DNAH14: variants seen among roughly 807,000 people sequenced by gnomAD.
DNAH14 encodes the protein dynein axonemal heavy chain 14.
Under a neutral mutation model 520.9 loss-of-function variants are expected in DNAH14, and 478 were observed. The observed-to-expected ratio is 0.92, with a 90% CI of 0.85 to 0.99. The LOEUF (loss-of-function observed/expected upper bound fraction) is 0.99, where lower values mean the gene tolerates loss of function less well. Among genes scored for constraint, DNAH14 ranks in the 50% least tolerant of loss-of-function variants. DNAH14 has a pLI of 0.00. For synonymous variants in DNAH14, 1,581 were observed against 1,757.2 expected, an observed-to-expected ratio of 0.90 and a Z score of 2.51; for missense variants, 4,831 against 5,234.5, an observed-to-expected ratio of 0.92 and a Z score of 2.38.
chr1:225,262,721 G>A (rs942245012), intron 46 of DNAH14, among the ~76,000 whole-genome samples: 2 of 151,992 alleles, frequency 1.3e-5, no homozygotes, highest in Non-Finnish European at 2.9e-5. Context: ...TTTTATACCA[G>A]TACCATCCTG....
intron 66 of DNAH14, among the ~76,000 whole-genome samples, chr1:225,335,046 A>G (rs190753476): frequency 4.4e-4 from 65 of 149,124 alleles, no homozygotes; most frequent in African/African-American, 1.4e-3. Flanking sequence ...ATACACATAT[A>G]TACATATGTA....
At chr1:225,192,639 A>C in intron 37 of DNAH14, 57 bp from the exon 38 acceptor site, 1 of 1,231,580 alleles carries the variant, frequency 8.1e-7, no homozygotes, top group Middle Eastern at 2.2e-4. Context: ...AATGCAAATA[A>C]ACTAAATAAT....
intron 36 of DNAH14, among the ~76,000 whole-genome samples, chr1:225,168,348 G>A (rs185236155): frequency 1.3e-5 from 2 of 152,318 alleles, no homozygotes; most frequent in East Asian, 1.9e-4. Context: ...GAAGCAGGGC[G>A]AGGCATCGCC....
intron 11 of DNAH14, among the ~76,000 whole-genome samples, chr1:225,033,935 G>T (rs2066738845): frequency 6.6e-6 from 1 of 152,116 alleles, no homozygotes; most frequent in African/African-American, 2.4e-5. Flanking sequence ...CTGCAACTTT[G>T]CTAAAGCTGT....
intron 17 of DNAH14, among the ~76,000 whole-genome samples, chr1:225,056,794 T>G (rs2069159662): frequency 6.6e-6 from 1 of 152,222 alleles, no homozygotes; most frequent in African/African-American, 2.4e-5. Context: ...GGGAATACTT[T>G]CCCCATTTCT....
chr1:224,929,893 G>T, intron 1 of DNAH14, 58 bp downstream of exon 1: 1 of 610,280 alleles, frequency 1.6e-6, no homozygotes, highest in Non-Finnish European at 2.9e-6. Context: ...GGCGGGCGGC[G>T]CGTGGGGCAG....
intron 35 of DNAH14, among the ~76,000 whole-genome samples, chr1:225,160,082 G>A (rs960493460): frequency 3.3e-5 from 5 of 152,132 alleles, no homozygotes; most frequent in African/African-American, 9.7e-5. Flanking sequence ...TTGGCTTAAT[G>A]TTGTCTGCAG....
chr1:225,132,202 T>C (rs1462576945), intron 27 of DNAH14, among the ~76,000 whole-genome samples: 2 of 152,078 alleles, frequency 1.3e-5, no homozygotes, highest in African/African-American at 4.8e-5. Flanking sequence ...TGTTTTTTTT[T>C]TCATCAACTT....
At chr1:225,370,809 A>T (rs1201970314) in intron 77 of DNAH14, among the ~76,000 whole-genome samples, 1 of 152,164 alleles carries the variant, frequency 6.6e-6, no homozygotes, top group East Asian at 1.9e-4. Context: ...AATACATTTT[A>T]AAATTGGATT....
intron 26 of DNAH14, among the ~76,000 whole-genome samples, chr1:225,120,689 A>G (rs192995512): frequency 3.0e-4 from 46 of 152,344 alleles, no homozygotes; most frequent in African/African-American, 1.0e-3. Flanking sequence ...ATTTTTGCAA[A>G]TGCAGTTTCA....
chr1:225,333,272 T>A lies in DNAH14; in HGVS notation c.9865-19T>A. On this transcript the variant is annotated intron_variant, in intron 65 of 85. Coordinates refer to ENST00000682510, the MANE Select transcript of DNAH14 (RefSeq NM_001367479.1). ...AATATATTTTATATAGAATAACTCA[T>A]TTCTATTTTAACATTTAGACTCGAT... 6.6e-7 allele frequency: 1 copy of A among 1,515,746 alleles called. No homozygotes were observed. Among genetic ancestry groups the A allele is most frequent in the Non-Finnish European group, 8.9e-7 (1 of 1,117,860 alleles). The allele number at this position is 1,515,746 out of a possible 1,614,324, so 93.9% of individuals were successfully genotyped here.
Position 225,165,251 on chromosome 1 carries a change from G to C in DNAH14, c.5446-2688G>C, listed in dbSNP as rs573421462. 2.6e-5 allele frequency among the ~76,000 whole-genome samples: 4 copies of C among 152,078 alleles called. No homozygotes were observed. In the South Asian group the frequency reaches 8.3e-4, roughly 31 times the overall value. On this transcript the variant is annotated intron_variant, in intron 35 of 85. Transcript: ENST00000682510. Reference sequence around the variant, plus strand: ...TCACTTCAATATTTATTATTTTATAGTGTATCTACTCTTTCTCTTCGTATG... The same window carrying C: ...TCACTTCAATATTTATTATTTTATACTGTATCTACTCTTTCTCTTCGTATG...
chr1:225,073,656 CA>C, intron 17 of DNAH14, among the ~76,000 whole-genome samples: 1 of 145,036 alleles, frequency 6.9e-6, no homozygotes, highest in Non-Finnish European at 1.5e-5. Flanking sequence ...TTGTTGTTTT[CA>C]GTTTTTTGTT....
chr1:224,996,026 T>C (rs1684714215), intron 8 of DNAH14, among the ~76,000 whole-genome samples: 1 of 152,174 alleles, frequency 6.6e-6, no homozygotes, highest in Admixed American at 6.5e-5. Flanking sequence ...TGCTATTTAA[T>C]AGGTTTCCAC....
At chr1:225,145,486 C>A in intron 30 of DNAH14, 107 bp downstream of exon 30, 3 of 850,296 alleles carry the variant, frequency 3.5e-6, no homozygotes, top group Non-Finnish European at 5.1e-6. Context: ...AGACAAACAT[C>A]AAGTATTAAC....
At chr1:225,171,155 C>A (rs2082601178) in intron 36 of DNAH14, among the ~76,000 whole-genome samples, 1 of 152,102 alleles carries the variant, frequency 6.6e-6, no homozygotes, top group Non-Finnish European at 1.5e-5. Flanking sequence ...TAAATGCCCA[C>A]AAGAGAAAGC....
At chr1:225,354,495 T>C (rs1199393707) in intron 73 of DNAH14, among the ~76,000 whole-genome samples, 1 of 152,192 alleles carries the variant, frequency 6.6e-6, no homozygotes, top group Non-Finnish European at 1.5e-5. Context: ...AAGTTTAGTA[T>C]GTGTTAAGCA....
intron 41 of DNAH14, among the ~76,000 whole-genome samples, chr1:225,222,233 C>T (rs760991264): frequency 5.3e-5 from 8 of 152,150 alleles, no homozygotes; most frequent in Non-Finnish European, 8.8e-5. Flanking sequence ...CATTGGTGCC[C>T]GCTTGGGATA....
chr1:225,055,149 C>G (rs903799595), intron 17 of DNAH14, among the ~76,000 whole-genome samples: 8 of 151,774 alleles, frequency 5.3e-5, no homozygotes, highest in African/African-American at 1.9e-4. Context: ...ATGTATTTAT[C>G]TGCTATTAAG....
Sources: gnomAD v4.1 joint callset for allele counts (sites outside exome capture counted in the v4.1 genomes callset) on GRCh38, gnomAD v4.1.1 for gene constraint, MANE v1.5 for transcripts, NCBI Gene and HGNC (gene_info 2026-07-23, HGNC 2026-07-21) for gene names.